SYN2: variants seen among roughly 807,000 people sequenced by gnomAD.
The protein encoded by SYN2 is synapsin-2.
SYN2 carries 19 observed loss-of-function variants against 50.9 expected under a neutral mutation model. The observed-to-expected ratio is 0.37, with a 90% CI of 0.26 to 0.55. The LOEUF is 0.55. SYN2 is among the 20% of genes least tolerant of loss of function. The probability of loss-of-function intolerance (pLI) is 0.81; values close to 1 mark genes in which losing one functional copy is unlikely to be tolerated. For missense variants in SYN2, 587 were observed against 576.4 expected (o/e 1.02, Z -0.19); for synonymous variants, 255 against 224.9 (o/e 1.13, Z -1.20).
intron 1 of SYN2, among the ~76,000 whole-genome samples, chr3:12,017,067 G>C (rs1468992818): frequency 2.6e-5 from 4 of 152,122 alleles, no homozygotes; most frequent in African/African-American, 9.7e-5. Context: ...GGTTTTGATG[G>C]AAGAATGGGA....
At chr3:12,085,697 T>G (rs1695686820) in intron 1 of SYN2, among the ~76,000 whole-genome samples, 1 of 152,110 alleles carries the variant, frequency 6.6e-6, no homozygotes, top group South Asian at 2.1e-4. Flanking sequence ...ATAAAAAATA[T>G]TTTAAGACAA....
At chr3:12,054,727 C>T (rs1694950666) in intron 1 of SYN2, among the ~76,000 whole-genome samples, 1 of 150,332 alleles carries the variant, frequency 6.7e-6, no homozygotes, top group Non-Finnish European at 1.5e-5. Context: ...TTGGATCCCA[C>T]TTTTTCTTTT....
chr3:12,028,841 A>C (rs1694321398), intron 1 of SYN2, among the ~76,000 whole-genome samples: 2 of 139,348 alleles, frequency 1.4e-5, no homozygotes, highest in African/African-American at 5.6e-5. Flanking sequence ...GTTCACTCTG[A>C]TGGTAGTTTC....
intron 1 of SYN2, among the ~76,000 whole-genome samples, chr3:12,133,721 C>T (rs760860338): frequency 2.0e-5 from 3 of 152,212 alleles, no homozygotes; most frequent in Non-Finnish European, 2.9e-5. Flanking sequence ...AGAAAGCAGC[C>T]TCTCAGATCT....
At chr3:12,068,606 A>G (rs1028361456) in intron 1 of SYN2, among the ~76,000 whole-genome samples, 2 of 152,114 alleles carry the variant, frequency 1.3e-5, no homozygotes, top group African/African-American at 4.8e-5. Flanking sequence ...CTCTCTTTTT[A>G]GAACTATTAT....
intron 1 of SYN2, among the ~76,000 whole-genome samples, chr3:12,119,020 G>T (rs1034585158): frequency 6.6e-6 from 1 of 151,996 alleles, no homozygotes; most frequent in African/African-American, 2.4e-5. Flanking sequence ...CATCTCATTT[G>T]CACTTGTGGT....
At chr3:12,035,517 C>T (rs1030185033) in intron 1 of SYN2, among the ~76,000 whole-genome samples, 1 of 152,202 alleles carries the variant, frequency 6.6e-6, no homozygotes, top group Non-Finnish European at 1.5e-5. Context: ...ATGTGTAATA[C>T]CTGAACTCCC....
intron 4 of SYN2, among the ~76,000 whole-genome samples, chr3:12,150,406 AT>A (rs1697254532): frequency 6.6e-6 from 1 of 152,238 alleles, no homozygotes; most frequent in Non-Finnish European, 1.5e-5. Flanking sequence ...TGGATTGGAA[AT>A]GAAGGGGCCT....
chr3:12,016,513 G>A (rs1032218586), intron 1 of SYN2, among the ~76,000 whole-genome samples: 13 of 152,282 alleles, frequency 8.5e-5, no homozygotes, highest in Middle Eastern at 3.4e-3. Flanking sequence ...CTAACTTTTT[G>A]TGTCACCATA....
chr3:12,160,080 CAA>C (rs989511883), intron 5 of SYN2, among the ~76,000 whole-genome samples: 15 of 124,460 alleles, frequency 1.2e-4, no homozygotes, highest in African/African-American at 4.3e-4. Flanking sequence ...AAAGAAAAAA[CAA>C]AGAAGCAGGG....
chr3:12,071,083 A>G, intron 1 of SYN2: 1 of 561,002 alleles, frequency 1.8e-6, no homozygotes, highest in South Asian at 1.4e-5. Flanking sequence ...CAACTCCATC[A>G]TGAAGTGTGA....
intron 1 of SYN2, among the ~76,000 whole-genome samples, chr3:12,112,225 T>G (rs1696334462): frequency 6.6e-6 from 1 of 152,190 alleles, no homozygotes; most frequent in Admixed American, 6.5e-5. Context: ...TGCTACAGTT[T>G]GACTGTCTGC....
chr3:12,153,514 A>G (rs776937796), intron 5 of SYN2: 34 of 1,612,974 alleles, frequency 2.1e-5, no homozygotes, highest in African/African-American at 2.7e-5. Flanking sequence ...ACTGGTCCCT[A>G]CTAGGGCTGA....
intron 1 of SYN2, among the ~76,000 whole-genome samples, chr3:12,091,732 AC>A (rs1695833370): frequency 6.6e-6 from 1 of 152,340 alleles, no homozygotes; most frequent in Non-Finnish European, 1.5e-5. Flanking sequence ...TAGTGGGAAC[AC>A]TAACAGTGGT....
intron 1 of SYN2, among the ~76,000 whole-genome samples, chr3:12,072,182 G>A (rs112342976): frequency 3.0e-4 from 45 of 151,940 alleles, no homozygotes; most frequent in African/African-American, 1.1e-3. Context: ...TTTAGAATTC[G>A]GTTGTCTTTT....
Position 12,009,995 on chromosome 3 carries a change from T to G in SYN2, c.377+5067T>G, listed in dbSNP as rs190996133. Among the ~76,000 whole-genome samples the G allele has an allele frequency of 2.3e-4, 35 of 152,240 alleles. 1 individual carries two copies. In the East Asian group the frequency reaches 6.0e-3, roughly 26 times the overall value. On this transcript the variant is annotated intron_variant, in intron 1 of 12. Coordinates refer to ENST00000621198, the MANE Select transcript of SYN2 (RefSeq NM_133625.6). ...CTGTAGTCCCAGCTATTCGGGAGAC[T>G]GAGGCAGGAGAATTTCTTGAACCCG...
rs1292862451 is a variant in SYN2, at chr3:12,167,256, T to C, written c.1003T>C (p.Trp335Arg). 2 of 1,613,072 alleles carry C rather than the reference T, an allele frequency of 1.2e-6. No homozygotes were observed. Among genetic ancestry groups the C allele is most frequent in the Non-Finnish European group, 1.7e-6 (2 of 1,179,626 alleles). Residue 335 changes from tryptophan (W) to arginine (R), a missense_variant, in exon 8 of 13, where the codon TGG becomes CGG. Coordinates refer to ENST00000621198, the MANE Select transcript of SYN2 (RefSeq NM_133625.6). Reference protein sequence around the residue: ...AYMRTSISGNWKTNTGSAMLE... With the variant: ...AYMRTSISGNRKTNTGSAMLE... Reference sequence around the variant, plus strand: ...CAGGAGGACATCGATCTCAGGGAACTGGAAGACGAACACTGGCTCTGCGAT... The same window carrying C: ...CAGGAGGACATCGATCTCAGGGAACCGGAAGACGAACACTGGCTCTGCGAT...
intron 7 of SYN2, 106 bp downstream of exon 7, chr3:12,162,260 G>T: frequency 1.4e-6 from 2 of 1,424,190 alleles, no homozygotes; most frequent in Non-Finnish European, 1.9e-6. Flanking sequence ...TTAAGTCAGA[G>T]ATTTTTTTAC....
At chr3:12,008,728 G>T (rs1004726272) in intron 1 of SYN2, among the ~76,000 whole-genome samples, 1 of 152,222 alleles carries the variant, frequency 6.6e-6, no homozygotes, top group African/African-American at 2.4e-5. Context: ...TACTGCAGAA[G>T]TTTAGAAGAG....
Sources: gnomAD v4.1 joint callset for allele counts (sites outside exome capture counted in the v4.1 genomes callset) on GRCh38, gnomAD v4.1.1 for gene constraint, MANE v1.5 for transcripts, NCBI Gene and HGNC (gene_info 2026-07-23, HGNC 2026-07-21) for gene names.